Variants in KCNB2 observed in about 807,000 individuals in gnomAD.
KCNB2 encodes potassium voltage-gated channel subfamily B member 2, also known as delayed rectifier potassium channel protein.
A neutral mutation model predicts 61.5 loss-of-function variants in KCNB2; 15 were observed. The ratio of observed to expected loss-of-function variants is 0.24; its 90% confidence interval spans 0.16 to 0.38. The LOEUF (loss-of-function observed/expected upper bound fraction) is 0.38. Among genes scored for constraint, KCNB2 ranks in the 10% least tolerant of loss-of-function variants. KCNB2 has a pLI of 1.00. For synonymous variants in KCNB2, 457 were observed against 446.0 expected (o/e 1.02, Z -0.31); for missense variants, 828 against 1,125.2 (o/e 0.74, Z 3.78).
chr8:72,598,350 C>T (rs1489287800), intron 2 of KCNB2, among the ~76,000 whole-genome samples: 5 of 152,132 alleles, frequency 3.3e-5, no homozygotes, highest in Admixed American at 3.3e-4. Flanking sequence ...AGACAAAAAC[C>T]ACATGATTAT....
chr8:72,858,204 AT>A (rs1810237406), intron 2 of KCNB2, among the ~76,000 whole-genome samples: 1 of 152,186 alleles, frequency 6.6e-6, no homozygotes, highest in South Asian at 2.1e-4. Context: ...ACACATAAAA[AT>A]CCACATTTAT....
At chr8:72,925,699 C>A (rs1358699258) in intron 2 of KCNB2, among the ~76,000 whole-genome samples, 1 of 152,160 alleles carries the variant, frequency 6.6e-6, no homozygotes. Flanking sequence ...CCTCAAAGAT[C>A]TAGAGGCAGA....
intron 2 of KCNB2, among the ~76,000 whole-genome samples, chr8:72,611,408 T>C (rs1164457302): frequency 6.6e-6 from 1 of 152,224 alleles, no homozygotes; most frequent in Non-Finnish European, 1.5e-5. Flanking sequence ...GCTTTCAAGC[T>C]TGCAACTCTT....
At chr8:72,683,877 G>A (rs978429585) in intron 2 of KCNB2, among the ~76,000 whole-genome samples, 4 of 152,148 alleles carry the variant, frequency 2.6e-5, no homozygotes, top group Admixed American at 1.3e-4. Context: ...CACGGAAGAT[G>A]GGGTTGGAAA....
At chr8:72,579,383 A>G (rs1806855667) in intron 2 of KCNB2, among the ~76,000 whole-genome samples, 1 of 152,202 alleles carries the variant, frequency 6.6e-6, no homozygotes, top group Non-Finnish European at 1.5e-5. Context: ...TGAAGAAGCT[A>G]GCTCACCCTC....
chr8:72,707,476 C>T (rs1277927164), intron 2 of KCNB2, among the ~76,000 whole-genome samples: 1 of 152,136 alleles, frequency 6.6e-6, no homozygotes, highest in African/African-American at 2.4e-5. Flanking sequence ...TCTTTAATCT[C>T]CATTTCCACA....
chr8:72,616,402 C>T (rs1268274493), intron 2 of KCNB2, among the ~76,000 whole-genome samples: 1 of 152,122 alleles, frequency 6.6e-6, no homozygotes, highest in African/African-American at 2.4e-5. Flanking sequence ...TCTTACCAGG[C>T]TTTTTTTATT....
intron 2 of KCNB2, among the ~76,000 whole-genome samples, chr8:72,808,105 C>T (rs1809252601): frequency 5.3e-5 from 8 of 152,100 alleles, no homozygotes; most frequent in Admixed American, 5.2e-4. Context: ...TTGGTTTGCC[C>T]AAATAGACCT....
chr8:72,890,752 C>G (rs1222149081), intron 2 of KCNB2, among the ~76,000 whole-genome samples: 2 of 152,186 alleles, frequency 1.3e-5, no homozygotes, highest in Non-Finnish European at 2.9e-5. Context: ...GGAGCCACCC[C>G]AGACCTCAAA....
At chr8:72,692,687 C>A (rs888164242) in intron 2 of KCNB2, among the ~76,000 whole-genome samples, 1 of 151,774 alleles carries the variant, frequency 6.6e-6, no homozygotes, top group Non-Finnish European at 1.5e-5. Flanking sequence ...TTTTATATTT[C>A]TATAATTGTA....
chr8:72,781,936 G>A (rs1049113416), intron 2 of KCNB2, among the ~76,000 whole-genome samples: 5 of 151,980 alleles, frequency 3.3e-5, no homozygotes, highest in Non-Finnish European at 4.4e-5. Flanking sequence ...ATAGGGAGGG[G>A]AACAACATAC....
At chr8:72,821,951 T>G (rs1809519139) in intron 2 of KCNB2, among the ~76,000 whole-genome samples, 1 of 152,126 alleles carries the variant, frequency 6.6e-6, no homozygotes, top group South Asian at 2.1e-4. Context: ...TCCAGTGGAT[T>G]CCGCCACCTC....
chr8:72,666,493 C>T (rs1806475016), intron 2 of KCNB2, among the ~76,000 whole-genome samples: 2 of 152,202 alleles, frequency 1.3e-5, no homozygotes, highest in Admixed American at 6.5e-5. Flanking sequence ...TTTCATACCA[C>T]TATCTTGATT....
intron 2 of KCNB2, among the ~76,000 whole-genome samples, chr8:72,799,559 G>A (rs987083436): frequency 4.8e-4 from 73 of 152,166 alleles, no homozygotes; most frequent in African/African-American, 1.7e-3. Context: ...CTAGAAGCTC[G>A]AAAACCACAT....
Position 72,673,810 on chromosome 8 carries a change from A to G in KCNB2, c.579+105497A>G, listed in dbSNP as rs973489810. Among the ~76,000 whole-genome samples, 10 of 152,280 alleles carry G rather than the reference A, an allele frequency of 6.6e-5. No homozygotes were observed. The South Asian group carries it at 2.1e-3, about 32-fold the overall frequency. ...CTGGGGGACATGGAAATGGGGAGTTATTTTAAGGGGTACAGAGTTTCAGTT... is the reference window on the plus strand; with the variant it reads ...CTGGGGGACATGGAAATGGGGAGTTGTTTTAAGGGGTACAGAGTTTCAGTT... On this transcript the variant is annotated intron_variant, in intron 2 of 2. Coordinates refer to ENST00000523207, the MANE Select transcript of KCNB2 (RefSeq NM_004770.3).
intron 2 of KCNB2, among the ~76,000 whole-genome samples, chr8:72,906,159 T>A (rs1156887565): frequency 1.3e-5 from 2 of 152,208 alleles, no homozygotes; most frequent in Admixed American, 1.3e-4. Context: ...TTAAGGAAGC[T>A]TTAGGGGAGG....
rs917966859 is a variant in KCNB2 at position 72,812,061 on chromosome 8, A to G, written c.580-123874A>G. Among the ~76,000 whole-genome samples the G allele has an allele frequency of 2.5e-4, 38 of 152,200 alleles. 1 individual carries two copies. On this transcript the variant is annotated intron_variant, in intron 2 of 2. Coordinates refer to ENST00000523207, the MANE Select transcript of KCNB2 (RefSeq NM_004770.3). ...TGGATCACTTGAGGCCAGGAGTTCA[A>G]GACCAGCCTGCCCAACATGGTGAAA... is the stretch of plus-strand genomic sequence containing the variant.
chr8:72,918,688 C>G (rs1029197536), intron 2 of KCNB2, among the ~76,000 whole-genome samples: 2 of 152,000 alleles, frequency 1.3e-5, no homozygotes, highest in Admixed American at 1.3e-4. Context: ...AAATATTACT[C>G]CAATAGTAGG....
chr8:72,716,342 T>A (rs7014667), intron 2 of KCNB2, among the ~76,000 whole-genome samples: 2 of 152,138 alleles, frequency 1.3e-5, no homozygotes, highest in Non-Finnish European at 2.9e-5. Flanking sequence ...TACCAAAGCC[T>A]GGCAGAGACA....
Sources: allele counts gnomAD v4.1 joint callset (sites outside exome capture counted in the v4.1 genomes callset), GRCh38; gene constraint gnomAD v4.1.1; transcripts MANE v1.5; gene names NCBI Gene and HGNC (gene_info 2026-07-23, HGNC 2026-07-21).